Variants in NPTX1 observed in about 807,000 individuals in gnomAD.
NPTX1 encodes neuronal pentraxin 1.
NPTX1 carries 12 observed loss-of-function variants against 38.7 expected under a neutral mutation model. That is an observed-to-expected ratio of 0.31 (90% confidence interval 0.20 to 0.50). NPTX1 has a LOEUF of 0.50. Among genes scored for constraint, NPTX1 ranks in the 20% least tolerant of loss-of-function variants. NPTX1 has a pLI of 0.98. For missense variants in NPTX1, 454 were observed against 592.2 expected, an observed-to-expected ratio of 0.77 and a Z score of 2.42; for synonymous variants, 272 against 264.9, an observed-to-expected ratio of 1.03 and a Z score of -0.26.
intron 4 of NPTX1, 146 bp from the exon 5 acceptor site, chr17:80,471,180 C>T: frequency 1.6e-6 from 1 of 638,686 alleles, no homozygotes; most frequent in African/African-American, 1.8e-5. Context: ...CTCCCTGTCC[C>T]TGACTCTCCA....
chr17:80,473,050 ACCCTCC>A, intron 3 of NPTX1, 144 bp downstream of exon 3: 1 of 849,668 alleles, frequency 1.2e-6, no homozygotes, highest in Non-Finnish European at 1.8e-6. Flanking sequence ...CCTGGTCTTC[ACCCTCC>A]CCCTCCCTCA....
At chr17:80,473,485 T>A in intron 2 of NPTX1, 41 bp from the exon 3 acceptor site, 1 of 1,602,632 alleles carries the variant, frequency 6.2e-7, no homozygotes. Context: ...CTGCGTGAAG[T>A]GCTTATCGGT....
At position 80,469,336 on chromosome 17, in the gene NPTX1, G is replaced by A. The variant is rs2083825371; in HGVS notation, c.*1477C>T. 1 of 152,042 alleles carries A rather than the reference G, an allele frequency of 6.6e-6. No individual in the cohort carries two copies. The highest frequency in any genetic ancestry group is 2.4e-5 in the African/African-American group (1 of 41,362). 9.4% of individuals were successfully genotyped at this position (152,042 alleles called of 1,614,324 possible). On this transcript the variant is annotated 3_prime_UTR_variant, in exon 5 of 5. Transcript: ENST00000306773. Reference sequence around the variant, plus strand: ...AAAGCAGGAAGCTCCTCCTACCCTGGGCAGGGCCTCCCGAGCCTGCTCTCT... The same window carrying A: ...AAAGCAGGAAGCTCCTCCTACCCTGAGCAGGGCCTCCCGAGCCTGCTCTCT...
Position 80,475,986 on chromosome 17 carries a change from C to A in NPTX1, c.444+17G>T. ...AGCGAGCCGGAGGGGGAACCGGAGCCGAGGGCGCGCGCGGACCTCGAGGTT... is the reference window on the plus strand; with the variant it reads ...AGCGAGCCGGAGGGGGAACCGGAGCAGAGGGCGCGCGCGGACCTCGAGGTT... On this transcript the variant is annotated intron_variant, in intron 1 of 4. Transcript: ENST00000306773. This position sits in a 1 kb window ranked among gnomAD's most constrained non-coding sequence, Gnocchi z 6.5. 1 of 1,597,248 alleles carries A rather than the reference C, an allele frequency of 6.3e-7. No individual in the cohort carries two copies. The highest frequency in any genetic ancestry group is 8.5e-7 in the Non-Finnish European group (1 of 1,171,602).
chr17:80,473,144 G>A lies in NPTX1; in HGVS notation c.897+56C>T, dbSNP rs1050066032. The A allele has an allele frequency of 8.9e-6, 14 of 1,580,864 alleles. No individual in the cohort carries two copies. The Admixed American group carries it at 1.0e-4, about 12-fold the overall frequency. On this transcript the variant is annotated intron_variant, in intron 3 of 4. Coordinates refer to ENST00000306773, the MANE Select transcript of NPTX1 (RefSeq NM_002522.4). Reference sequence around the variant, plus strand: ...ATAGCCCTGTCTCCGCATGCAACATGAGCTGGGGCCCTGGGGCCTCGCCCT... The same window carrying A: ...ATAGCCCTGTCTCCGCATGCAACATAAGCTGGGGCCCTGGGGCCTCGCCCT...
chr17:80,472,485 T>C (rs942037381), intron 3 of NPTX1, among the ~76,000 whole-genome samples: 2 of 152,130 alleles, frequency 1.3e-5, no homozygotes, highest in African/African-American at 4.8e-5. Context: ...AGGATGACGG[T>C]CCAGCAGACA....
chr17:80,474,108 T>G (rs74003911), intron 2 of NPTX1: 1 of 152,504 alleles, frequency 6.6e-6, no homozygotes, highest in Non-Finnish European at 1.5e-5. Context: ...GAGCTGGGAG[T>G]ACTCTGGGCG....
chr17:80,473,054 T>G, intron 3 of NPTX1, 146 bp downstream of exon 3: 11 of 691,908 alleles, frequency 1.6e-5, no homozygotes, highest in Non-Finnish European at 2.1e-5. Flanking sequence ...GTCTTCACCC[T>G]CCCCCTCCCT....
In NPTX1 at chr17:80,466,997, C is replaced by G. The variant is rs2083809032; in HGVS notation, c.*3816G>C. 6.6e-6 allele frequency among the ~76,000 whole-genome samples: 1 copy of G among 151,302 alleles called. No homozygotes were observed. Among genetic ancestry groups the G allele is most frequent in the Non-Finnish European group, 1.5e-5 (1 of 67,946 alleles). ...CCCATGGTTTTGACCCATTTGATAC[C>G]CAAAAGGCTGCAGATCATATGAAAA... is the stretch of plus-strand genomic sequence containing the variant. On this transcript the variant is annotated 3_prime_UTR_variant, in exon 5 of 5. Coordinates refer to ENST00000306773, the MANE Select transcript of NPTX1 (RefSeq NM_002522.4).
chr17:80,475,615 G>T lies in NPTX1; in HGVS notation c.548C>A (p.Thr183Asn). The T allele has an allele frequency of 6.8e-6, 11 of 1,612,756 alleles. No individual in the cohort carries two copies. The highest frequency in any genetic ancestry group is 7.6e-6 in the Non-Finnish European group (9 of 1,179,764). Residue 183 changes from threonine to asparagine, a missense_variant, in exon 2 of 5, where the codon ACC becomes AAC. This residue lies in a region of NPTX1 where 288 missense variants were observed against 318.4 expected (regional missense o/e 0.90). Coordinates refer to ENST00000306773, the MANE Select transcript of NPTX1 (RefSeq NM_002522.4). This position sits in a 1 kb window ranked among gnomAD's most constrained non-coding sequence, Gnocchi z 6.5. Reference protein sequence around the residue: ...LERQVLSRVNTLEEGKGGPRN... With the variant: ...LERQVLSRVNNLEEGKGGPRN... ...GGGGCCCCCCTTGCCCTCCTCCAGG[G>T]TGTTCACCCGGGACAGCACCTGCCT...
rs761051933 is a variant in NPTX1 at position 80,476,180 on chromosome 17, G to T, written c.267C>A (p.Cys89Ter). 1 of 1,582,884 alleles carries T rather than the reference G, an allele frequency of 6.3e-7. No homozygotes were observed. Residue 89 changes from cysteine (C) to a stop codon, truncating the protein, a stop_gained, in exon 1 of 5, where the codon TGC becomes TGA. Coordinates refer to ENST00000306773, the MANE Select transcript of NPTX1 (RefSeq NM_002522.4). LOFTEE classifies it high-confidence loss of function. The surrounding 1 kb of genome is among the most constrained non-coding windows in gnomAD (Gnocchi z 6.3). ...CGGGGTCCAGCGTGCTCTGGCTCTC[G>T]CAGCGGCCCAGCTTGGCGGTCAGCT... ...IRELTAKLGR[C>*]ESQSTLDPGA...
Position 80,476,127 on chromosome 17 carries a change from C to A in NPTX1, c.320G>T (p.Gly107Val). 6.3e-7 allele frequency: 1 copy of A among 1,598,394 alleles called. No individual in the cohort carries two copies. The highest frequency in any genetic ancestry group is 8.5e-7 in the Non-Finnish European group (1 of 1,176,260). The change falls in exon 1 of 5, where the codon GGC (glycine) becomes GTC (valine). Residue 107 changes from glycine (G) to valine (V), a missense_variant. Gly to Val is a moderately radical substitution (Grantham distance 109, BLOSUM62 -3). Around this residue, in one of 4 missense-constraint regions of NPTX1, gnomAD observed 288 missense variants for 318.4 expected, o/e 0.90. Coordinates refer to ENST00000306773, the MANE Select transcript of NPTX1 (RefSeq NM_002522.4). The surrounding 1 kb of genome is among the most constrained non-coding windows in gnomAD (Gnocchi z 6.3). The stretch of plus-strand genomic sequence containing the variant: ...CTTGCCCGAGCCGGGCTGCTTGCGG[C>A]CGCCGCCCGCCCGGGCCTCGCCGGC... ...PGAGEARAGGGRKQPGSGKNT... is the reference protein window; with the variant it reads ...PGAGEARAGGVRKQPGSGKNT...
intron 3 of NPTX1, among the ~76,000 whole-genome samples, chr17:80,472,596 C>T (rs2083848528): frequency 6.6e-6 from 1 of 152,164 alleles, no homozygotes; most frequent in African/African-American, 2.4e-5. Flanking sequence ...GCGTGGAATC[C>T]ACTTCCCAGC....
Position 80,475,983 on chromosome 17 carries a change from A to C in NPTX1, c.444+20T>G. The C allele has an allele frequency of 6.3e-7, 1 of 1,591,626 alleles. No individual in the cohort carries two copies. Among genetic ancestry groups the C allele is most frequent in the Non-Finnish European group, 8.6e-7 (1 of 1,166,354 alleles). ...GCGAGCGAGCCGGAGGGGGAACCGG[A>C]GCCGAGGGCGCGCGCGGACCTCGAG... is the stretch of plus-strand genomic sequence containing the variant. On this transcript the variant is annotated intron_variant, in intron 1 of 4. Transcript: ENST00000306773. This position sits in a 1 kb window ranked among gnomAD's most constrained non-coding sequence, Gnocchi z 6.5.
rs905669358 is a variant in NPTX1, at chr17:80,476,284, G to T, written c.163C>A (p.Arg55=). ...SVAAGGAEEL[R]SSVLQLRETV... ...TCGCGGAGCTGCAGCACGCTGCTCC[G>T]GAGCTCCTCGGCGCCGCCGGCGGCC... Residue 55 remains arginine (R), a synonymous_variant, in exon 1 of 5, where the codon CGG becomes AGG. Transcript: ENST00000306773. The surrounding 1 kb of genome is among the most constrained non-coding windows in gnomAD (Gnocchi z 6.3). 1.3e-6 allele frequency: 2 copies of T among 1,562,972 alleles called. No homozygotes were observed. Among genetic ancestry groups the T allele is most frequent in the Non-Finnish European group, 8.6e-7 (1 of 1,162,284 alleles).
Position 80,475,479 on chromosome 17 carries a change from G to T in NPTX1, c.652+32C>A. 6.7e-7 allele frequency: 1 copy of T among 1,488,204 alleles called. No homozygotes were observed. The allele number at this position is 1,488,204 out of a possible 1,614,324, so 92.2% of individuals were successfully genotyped here. On this transcript the variant is annotated intron_variant, in intron 2 of 4. Transcript: ENST00000306773. The surrounding 1 kb of genome is among the most constrained non-coding windows in gnomAD (Gnocchi z 6.5). Reference sequence around the variant, plus strand: ...GGCAGGGTCGGGCAAGCAGGTGCAGGCAGGCAGCACGGCTCCCCCTGGCCC... The same window carrying T: ...GGCAGGGTCGGGCAAGCAGGTGCAGTCAGGCAGCACGGCTCCCCCTGGCCC...
At position 80,475,422 on chromosome 17, in the gene NPTX1, T is replaced by C. The variant is rs1404814378; in HGVS notation, c.652+89A>G. On this transcript the variant is annotated intron_variant, in intron 2 of 4. Transcript: ENST00000306773. The surrounding 1 kb of genome is among the most constrained non-coding windows in gnomAD (Gnocchi z 6.5). ...GCGGAGCGGCTTGAGGCTTGCACAG[T>C]GCAGAGCTGGGCTGTTAGGGATCGG... The C allele has an allele frequency of 1.3e-5, 13 of 980,682 alleles. No homozygotes were observed. Among genetic ancestry groups the C allele is most frequent in the Non-Finnish European group, 1.8e-5 (12 of 674,032 alleles). 60.7% of individuals were successfully genotyped at this position (980,682 alleles called of 1,614,324 possible).
chr17:80,468,463 C>A lies in NPTX1; in HGVS notation c.*2350G>T, dbSNP rs148095145. 3.1e-3 allele frequency: 474 copies of A among 152,392 alleles called. 4 individuals are homozygous for A. The highest frequency in any genetic ancestry group is 0.018 in the South Asian group (88 of 4,832). The allele number at this position is 152,392 out of a possible 1,614,324, so 9.4% of individuals were successfully genotyped here. ...AGTAGATCGGCAGGGGCGGGGCTGG[C>A]CGGAGGTGCTGGCAGGGGAGCACCC... On this transcript the variant is annotated 3_prime_UTR_variant, in exon 5 of 5. Transcript: ENST00000306773.
rs370175462 is a variant in NPTX1, at chr17:80,470,420, GAAGA to G, written c.*389_*392del. 832 of 160,798 alleles carry G rather than the reference GAAGA, an allele frequency of 5.2e-3. 7 individuals are homozygous for G. Among genetic ancestry groups the G allele is most frequent in the African/African-American group, 0.019 (793 of 41,874 alleles). The allele number at this position is 160,798 out of a possible 1,614,324, so 10.0% of individuals were successfully genotyped here. Reference sequence around the variant, plus strand: ...TCATCATGAGATTTTTCCAAAGCCAGAAGAAAGAAGGAAATGAGGTACGTCCTCA... The same window carrying G: ...TCATCATGAGATTTTTCCAAAGCCAGAAGAAGGAAATGAGGTACGTCCTCA... On this transcript the variant is annotated 3_prime_UTR_variant, in exon 5 of 5. Coordinates refer to ENST00000306773, the MANE Select transcript of NPTX1 (RefSeq NM_002522.4).
Sources: allele counts gnomAD v4.1 joint callset (sites outside exome capture counted in the v4.1 genomes callset), GRCh38; gene constraint gnomAD v4.1.1; regional missense constraint gnomAD v4.1.1; non-coding constraint Gnocchi (gnomAD v3.1); transcripts MANE v1.5; gene names NCBI Gene and HGNC (gene_info 2026-07-23, HGNC 2026-07-21).